Variants in WIF1 observed in about 807,000 individuals in gnomAD.
The protein encoded by WIF1 is Wnt inhibitory factor 1.
Under a neutral mutation model 53.5 loss-of-function variants are expected in WIF1, and 35 were observed. The ratio of observed to expected loss-of-function variants is 0.65; its 90% CI spans 0.50 to 0.87. WIF1 has a LOEUF of 0.87. WIF1 is among the 40% of genes least tolerant of loss of function. The pLI is 0.00. For synonymous variants in WIF1, 171 were observed against 170.4 expected, an observed-to-expected ratio of 1.00 and a Z score of -0.03; for missense variants, 467 against 476.8, an observed-to-expected ratio of 0.98 and a Z score of 0.19.
intron 3 of WIF1, 91 bp downstream of exon 3, chr12:65,077,654 TA>T: frequency 1.1e-6 from 1 of 930,912 alleles, no homozygotes; most frequent in Non-Finnish European, 1.7e-6. Context: ...AAACATTTCA[TA>T]ACCTCTCTGA....
At position 65,051,584 on chromosome 12, in the gene WIF1, A is replaced by G. The variant is rs778963587; in HGVS notation, c.1019-114T>C. ...TTGCCTTTTCAATCCAGAATGAAAA[A>G]CCGCAATGACCACAAAAAGCTACCT... On this transcript the variant is annotated intron_variant, in intron 9 of 9. Transcript: ENST00000286574. 1.7e-5 allele frequency: 22 copies of G among 1,278,208 alleles called. No individual in the cohort carries two copies. In the Middle Eastern group the frequency reaches 1.0e-3, roughly 59 times the overall value. The allele number at this position is 1,278,208 out of a possible 1,614,324, so 79.2% of individuals were successfully genotyped here.
Position 65,120,467 on chromosome 12 carries a change from T to C in WIF1, c.238A>G (p.Ile80Val), listed in dbSNP as rs1294896914. The C allele has an allele frequency of 1.2e-6, 2 of 1,614,038 alleles. No individual in the cohort carries two copies. The highest frequency in any genetic ancestry group is 1.3e-5 in the African/African-American group (1 of 74,936). ...FRKAQQRMPA[I>V]PVNIHSMNFT... ...TTCATGGAATGGATATTGACAGGAATAGCTGGCATTCTCTGTTGTGCTTTT... is the reference window on the plus strand; with the variant it reads ...TTCATGGAATGGATATTGACAGGAACAGCTGGCATTCTCTGTTGTGCTTTT... The change falls in exon 2 of 10, where the codon ATT (isoleucine) becomes GTT (valine). Residue 80 changes from isoleucine to valine, a missense_variant. Coordinates refer to ENST00000286574, the MANE Select transcript of WIF1 (RefSeq NM_007191.5).
intron 7 of WIF1, among the ~76,000 whole-genome samples, chr12:65,061,654 C>T (rs1882614013): frequency 6.6e-6 from 1 of 152,182 alleles, no homozygotes; most frequent in African/African-American, 2.4e-5. Flanking sequence ...TGATAAGCTA[C>T]CACATTTCAA....
chr12:65,102,887 C>T (rs1324299801), intron 2 of WIF1, among the ~76,000 whole-genome samples: 2 of 152,066 alleles, frequency 1.3e-5, no homozygotes, highest in Non-Finnish European at 2.9e-5. Flanking sequence ...AAATACCATT[C>T]TAGAAAAGCC....
At chr12:65,100,597 C>G (rs1883268260) in intron 2 of WIF1, among the ~76,000 whole-genome samples, 2 of 152,106 alleles carry the variant, frequency 1.3e-5, no homozygotes, top group Admixed American at 1.3e-4. Flanking sequence ...CTCAGAAATT[C>G]CACTTCTGGA....
At chr12:65,106,815 C>T (rs1202691528) in intron 2 of WIF1, among the ~76,000 whole-genome samples, 3 of 152,166 alleles carry the variant, frequency 2.0e-5, no homozygotes, top group Admixed American at 1.3e-4. Flanking sequence ...TCTAAAGATA[C>T]AGCCAGAGAA....
chr12:65,112,155 A>G (rs912643809), intron 2 of WIF1, among the ~76,000 whole-genome samples: 3 of 152,172 alleles, frequency 2.0e-5, no homozygotes, highest in African/African-American at 7.2e-5. Flanking sequence ...TCAGCTTCTC[A>G]TTTTGTAAAC....
Position 65,068,829 on chromosome 12 carries a change from T to A in WIF1, c.473A>T (p.Asn158Ile). The A allele has an allele frequency of 6.2e-7, 1 of 1,613,754 alleles. No individual in the cohort carries two copies. Among genetic ancestry groups the A allele is most frequent in the South Asian group, 1.1e-5 (1 of 91,072 alleles). Residue 158 changes from asparagine (N) to isoleucine (I), a missense_variant, in exon 4 of 10, where the codon AAT (asparagine) becomes ATT (isoleucine). Asn to Ile is a moderately radical substitution (Grantham distance 149, BLOSUM62 -3). Transcript: ENST00000286574. ...AAFEVDVIVM[N>I]SEGNTILQTP... ...TTGGAGAATGGTGTTGCCTTCAGAA[T>A]TCATAACAATCACATCCACTTCAAA...
intron 3 of WIF1, among the ~76,000 whole-genome samples, chr12:65,073,459 T>C (rs1389235593): frequency 6.6e-6 from 1 of 152,210 alleles, no homozygotes; most frequent in Admixed American, 6.5e-5. Flanking sequence ...TGAAACTGTT[T>C]TTTGTTATAC....
At chr12:65,120,002 C>A (rs921305348) in intron 2 of WIF1, among the ~76,000 whole-genome samples, 24 of 152,136 alleles carry the variant, frequency 1.6e-4, no homozygotes, top group African/African-American at 5.3e-4. Context: ...TAAAAGTGCA[C>A]AATGTCAAAA....
At chr12:65,072,897 C>T (rs537079144) in intron 3 of WIF1, among the ~76,000 whole-genome samples, 41 of 152,258 alleles carry the variant, frequency 2.7e-4, no homozygotes, top group Admixed American at 1.1e-3. Context: ...ATAATCTAAA[C>T]GAGGTGAATT....
intron 2 of WIF1, among the ~76,000 whole-genome samples, chr12:65,105,644 T>G (rs1883341089): frequency 6.6e-6 from 1 of 152,104 alleles, no homozygotes; most frequent in Non-Finnish European, 1.5e-5. Context: ...TGAGAAGGCT[T>G]GACCCACTTT....
At chr12:65,062,003 G>A (rs1281837387) in intron 7 of WIF1, among the ~76,000 whole-genome samples, 2 of 152,028 alleles carry the variant, frequency 1.3e-5, no homozygotes, top group Admixed American at 1.3e-4. Context: ...TTATTGCTAT[G>A]CGCCTCTTTT....
chr12:65,068,641 A>G, intron 4 of WIF1, 123 bp downstream of exon 4: 1 of 1,275,216 alleles, frequency 7.8e-7, no homozygotes, highest in Non-Finnish European at 1.1e-6. Context: ...GCCATCATCC[A>G]AAAAACCATG....
At chr12:65,120,061 G>A (rs1883577656) in intron 2 of WIF1, among the ~76,000 whole-genome samples, 2 of 152,150 alleles carry the variant, frequency 1.3e-5, no homozygotes, top group Admixed American at 1.3e-4. Context: ...AATGTCACAA[G>A]TGATTAGAAA....
chr12:65,095,506 T>C (rs7398116), intron 2 of WIF1, among the ~76,000 whole-genome samples: 49 of 152,326 alleles, frequency 3.2e-4, no homozygotes, highest in Admixed American at 5.2e-4. Flanking sequence ...GAGGCAGATA[T>C]GATAACTATT....
At chr12:65,090,893 C>A (rs1883112095) in intron 2 of WIF1, among the ~76,000 whole-genome samples, 1 of 151,924 alleles carries the variant, frequency 6.6e-6, no homozygotes, top group South Asian at 2.1e-4. Context: ...GTGGCAGTAC[C>A]CATAGAAAAA....
At chr12:65,087,110 A>C (rs1883051286) in intron 2 of WIF1, among the ~76,000 whole-genome samples, 1 of 152,196 alleles carries the variant, frequency 6.6e-6, no homozygotes, top group African/African-American at 2.4e-5. Flanking sequence ...AGATCGCACC[A>C]CTGCACTTCA....
intron 2 of WIF1, among the ~76,000 whole-genome samples, chr12:65,081,178 T>A (rs1211661515): frequency 6.6e-6 from 1 of 152,132 alleles, no homozygotes; most frequent in Non-Finnish European, 1.5e-5. Context: ...GGCTGATGAT[T>A]CTTTTTCCAT....
Sources: gnomAD v4.1 joint callset for allele counts (sites outside exome capture counted in the v4.1 genomes callset) on GRCh38, gnomAD v4.1.1 for gene constraint, MANE v1.5 for transcripts, NCBI Gene and HGNC (gene_info 2026-07-23, HGNC 2026-07-21) for gene names.